The following YME1L1 variants were observed in gnomAD, a reference collection of about 807,000 sequenced individuals.
The protein encoded by YME1L1 is YME1 like 1 ATPase.
A neutral mutation model predicts 90.4 loss-of-function variants in YME1L1; 39 were observed. That is an observed-to-expected ratio of 0.43 (90% CI 0.33 to 0.56). YME1L1 has a LOEUF of 0.56. YME1L1 is among the 20% of genes least tolerant of loss of function. The pLI, the probability that YME1L1 is intolerant of heterozygous loss-of-function variation, is 0.03. For synonymous variants in YME1L1, 284 were observed against 287.3 expected (o/e 0.99, Z 0.12); for missense variants, 617 against 868.4 (o/e 0.71, Z 3.64).
At chr10:27,151,282 A>G (rs2057212315) in intron 1 of YME1L1, among the ~76,000 whole-genome samples, 1 of 152,156 alleles carries the variant, frequency 6.6e-6, no homozygotes, top group South Asian at 2.1e-4. Context: ...ATCAGGGCCC[A>G]CTTCCAGTAA....
intron 2 of YME1L1, among the ~76,000 whole-genome samples, chr10:27,148,095 T>C (rs2057166116): frequency 6.6e-6 from 1 of 152,180 alleles, no homozygotes; most frequent in Non-Finnish European, 1.5e-5. Context: ...GGTCCTTTAT[T>C]TTTTTAAGAG....
At chr10:27,123,752 G>C in intron 9 of YME1L1, 53 bp from the exon 10 acceptor site, 2 of 1,508,412 alleles carry the variant, frequency 1.3e-6, no homozygotes, top group Non-Finnish European at 1.8e-6. Flanking sequence ...AAAATCCCTC[G>C]ATATGAACCT....
At chr10:27,131,091 ATCT>A (rs1286475634) in intron 8 of YME1L1, among the ~76,000 whole-genome samples, 1 of 152,136 alleles carries the variant, frequency 6.6e-6, no homozygotes, top group Non-Finnish European at 1.5e-5. Context: ...AGTTTATTCC[ATCT>A]TCTCCTTCAG....
In YME1L1 at chr10:27,145,497, C is replaced by T. The variant is rs1366920558; in HGVS notation, c.262G>A (p.Gly88Ser). The T allele has an allele frequency of 6.2e-7, 1 of 1,613,366 alleles. No homozygotes were observed. Among genetic ancestry groups the T allele is most frequent in the Non-Finnish European group, 8.5e-7 (1 of 1,179,654 alleles). The part of the protein sequence containing the change: ...VENLLPGFCK[G>S]KNISSHWHTS... Reference sequence around the variant, plus strand: ...TGCCAATGGGAAGAAATGTTTTTGCCTTTACAAAATCCAGGAAGTAGATTT... The same window carrying T: ...TGCCAATGGGAAGAAATGTTTTTGCTTTTACAAAATCCAGGAAGTAGATTT... The change falls in exon 3 of 19, where the codon GGC becomes AGC. Residue 88 changes from glycine to serine, a missense_variant. This residue lies in a region of YME1L1 where 311 missense variants were observed against 335.8 expected (regional missense o/e 0.93). Transcript: ENST00000376016.
intron 1 of YME1L1, among the ~76,000 whole-genome samples, chr10:27,149,784 T>G (rs2185808): frequency 8.8e-6 from 1 of 113,878 alleles, no homozygotes; most frequent in Admixed American, 9.6e-5. Flanking sequence ...AAAAAAAAAA[T>G]AGTAAGTAGG....
Position 27,123,673 on chromosome 10 carries a change from T to A in YME1L1, c.976A>T (p.Thr326Ser). The change falls in exon 10 of 19, where the codon ACT (threonine) becomes TCT (serine). Residue 326 changes from threonine to serine, a missense_variant. Thr to Ser is a moderately conservative substitution (Grantham distance 58, BLOSUM62 1). Around this residue, in one of 4 missense-constraint regions of YME1L1, gnomAD observed 93 missense variants for 184.8 expected, o/e 0.50. Coordinates refer to ENST00000376016, the MANE Select transcript of YME1L1 (RefSeq NM_014263.4). ...GCTCGGGCAAGAAGTGTCTTTCCAGTCCCTGGGGGTCCAACTAAAAGAATT... is the reference window on the plus strand; with the variant it reads ...GCTCGGGCAAGAAGTGTCTTTCCAGACCCTGGGGGTCCAACTAAAAGAATT... ...KGILLVGPPG[T>S]GKTLLARAVA... The A allele has an allele frequency of 1.2e-6, 2 of 1,605,872 alleles. No homozygotes were observed. Among genetic ancestry groups the A allele is most frequent in the Non-Finnish European group, 1.7e-6 (2 of 1,177,464 alleles).
chr10:27,121,633 T>C (rs2056868449), intron 11 of YME1L1, among the ~76,000 whole-genome samples, 185 bp from the exon 12 acceptor site: 2 of 152,170 alleles, frequency 1.3e-5, no homozygotes, highest in African/African-American at 4.8e-5. Context: ...GAAGTGAACC[T>C]TCTGCCTCAA....
In YME1L1 at chr10:27,151,650, G is replaced by C. The variant is rs180677354; in HGVS notation, c.33+2528C>G. On this transcript the variant is annotated intron_variant, in intron 1 of 18. Transcript: ENST00000376016. ...TAATCCCAGCACTCTGGGAGGCCGA[G>C]GCGGACGGATCACAAGGTCAGGGGA... Among the ~76,000 whole-genome samples, 723 of 152,080 alleles carry C rather than the reference G, an allele frequency of 4.8e-3. 25 individuals carry two copies. Among genetic ancestry groups the C allele is most frequent in the Admixed American group, 0.045 (687 of 15,278 alleles).
intron 9 of YME1L1, among the ~76,000 whole-genome samples, chr10:27,124,141 T>C (rs531687365): frequency 1.5e-4 from 23 of 152,282 alleles, no homozygotes; most frequent in African/African-American, 4.8e-4. Context: ...ATTAAGGAAA[T>C]AGGCATAATT....
intron 18 of YME1L1, among the ~76,000 whole-genome samples, chr10:27,114,085 A>C (rs1241111525): frequency 6.6e-6 from 1 of 152,090 alleles, no homozygotes; most frequent in Non-Finnish European, 1.5e-5. Context: ...AATTTTATAT[A>C]TAGATTTTAT....
At chr10:27,148,485 C>T (rs1352454426) in intron 2 of YME1L1, among the ~76,000 whole-genome samples, 1 of 152,120 alleles carries the variant, frequency 6.6e-6, no homozygotes. Context: ...TCCACAGATA[C>T]GTGGACTTTC....
intron 13 of YME1L1, among the ~76,000 whole-genome samples, chr10:27,120,022 C>T (rs1046690638): frequency 1.3e-5 from 2 of 152,090 alleles, no homozygotes; most frequent in Non-Finnish European, 2.9e-5. Flanking sequence ...TCATTTATTA[C>T]TCAAGTGAGT....
chr10:27,138,515 A>G (rs1397982008), intron 4 of YME1L1, among the ~76,000 whole-genome samples: 1 of 152,090 alleles, frequency 6.6e-6, no homozygotes, highest in Non-Finnish European at 1.5e-5. Context: ...TCATACACAC[A>G]CGTGTGTATG....
intron 10 of YME1L1, 112 bp downstream of exon 10, chr10:27,123,435 A>T (rs2056886201): frequency 7.6e-7 from 1 of 1,324,378 alleles, no homozygotes; most frequent in Non-Finnish European, 1.0e-6. Context: ...TGGAGGCCCC[A>T]AAAAATAGAA....
intron 3 of YME1L1, among the ~76,000 whole-genome samples, chr10:27,145,117 G>A (rs1457997662): frequency 6.6e-6 from 1 of 152,160 alleles, no homozygotes; most frequent in African/African-American, 2.4e-5. Flanking sequence ...CTCCAGCCTG[G>A]CTGACAGAAG....
chr10:27,138,196 TTTTTAA>T (rs1055429970), intron 4 of YME1L1, among the ~76,000 whole-genome samples: 1 of 152,156 alleles, frequency 6.6e-6, no homozygotes, highest in African/African-American at 2.4e-5. Flanking sequence ...TAGGTTAAAT[TTTTTAA>T]TTTTAGTTAT....
chr10:27,125,466 A>AAAAAAG (rs1431737460), intron 9 of YME1L1, among the ~76,000 whole-genome samples: 1 of 150,568 alleles, frequency 6.6e-6, no homozygotes, highest in African/African-American at 2.4e-5. Flanking sequence ...TTGAAAAAAA[A>AAAAAAG]AAAAAAAAAA....
chr10:27,136,684 T>C (rs1239413471), intron 4 of YME1L1, among the ~76,000 whole-genome samples: 2 of 151,644 alleles, frequency 1.3e-5, no homozygotes, highest in Admixed American at 6.6e-5. Flanking sequence ...TCTATCCTCC[T>C]TTTTTCAAAA....
chr10:27,140,344 T>C (rs36050714), intron 4 of YME1L1, among the ~76,000 whole-genome samples: 12,401 of 152,196 alleles, frequency 0.081, 712 homozygotes, highest in East Asian at 0.28. Context: ...CAATGTCATT[T>C]TGTCCTCACC....
Sources: gnomAD v4.1 joint callset for allele counts (sites outside exome capture counted in the v4.1 genomes callset) on GRCh38, gnomAD v4.1.1 for gene constraint, gnomAD v4.1.1 regional missense constraint, MANE v1.5 for transcripts, NCBI Gene and HGNC (gene_info 2026-07-23, HGNC 2026-07-21) for gene names.